The following SYTL1 variants were observed in gnomAD, a reference collection of about 807,000 sequenced individuals.
SYTL1 encodes synaptotagmin like 1, also known as synaptotagmin-like protein 1.
In SYTL1, 53 loss-of-function variants were observed where a neutral mutation model predicts 74.6. The observed-to-expected ratio is 0.71, with a 90% CI of 0.57 to 0.89. The LOEUF (loss-of-function observed/expected upper bound fraction) is 0.89. Among genes scored for constraint, SYTL1 ranks in the 40% least tolerant of loss-of-function variants. SYTL1 has a pLI of 0.00. For missense variants in SYTL1, 728 were observed against 768.7 expected, an observed-to-expected ratio of 0.95 and a Z score of 0.63; for synonymous variants, 329 against 324.9, an observed-to-expected ratio of 1.01 and a Z score of -0.14.
intron 6 of SYTL1, 34 bp downstream of exon 6, chr1:27,349,186 G>T: frequency 6.2e-7 from 1 of 1,602,878 alleles, no homozygotes; most frequent in Non-Finnish European, 8.5e-7. Flanking sequence ...AGCACGGAGA[G>T]GTTTCGCGGG....
rs867913421 is a variant in SYTL1, at chr1:27,353,665, A to C, written c.1550-48A>C. ...ACCAGGCAGGTGTTTGGGGGCCCCAAGGTGTCCAGTGTGATCATGCCCTCA... is the reference window on the plus strand; with the variant it reads ...ACCAGGCAGGTGTTTGGGGGCCCCACGGTGTCCAGTGTGATCATGCCCTCA... On this transcript the variant is annotated intron_variant, in intron 14 of 14. Transcript: ENST00000616558. 5.7e-6 allele frequency: 9 copies of C among 1,592,448 alleles called. No individual in the cohort carries two copies. The African/African-American group carries it at 9.4e-5, about 17-fold the overall frequency.
Position 27,350,114 on chromosome 1 carries a change from G to C in SYTL1, c.890G>C (p.Arg297Pro), listed in dbSNP as rs941761626. Reference sequence around the variant, plus strand: ...CAGTGCCAGGGCCTGGCCGCCGCCCGGCGCCGCCGCTCGGACCCGTGAGTG... The same window carrying C: ...CAGTGCCAGGGCCTGGCCGCCGCCCCGCGCCGCCGCTCGGACCCGTGAGTG... ...VIQCQGLAAA[R>P]RRRSDPYVKS... The change falls in exon 9 of 15, where the codon CGG becomes CCG. Residue 297 changes from arginine (R) to proline (P), a missense_variant. Physicochemically the swap from Arg to Pro is moderately radical, Grantham distance 103. Coordinates refer to ENST00000616558, the MANE Select transcript of SYTL1 (RefSeq NM_001193308.2). The surrounding 1 kb of genome is among the most constrained non-coding windows in gnomAD (Gnocchi z 6.3). 2.9e-6 allele frequency: 4 copies of C among 1,392,824 alleles called. No homozygotes were observed. The African/African-American group carries it at 6.1e-5, about 21-fold the overall frequency. 86.3% of individuals were successfully genotyped at this position (1,392,824 alleles called of 1,614,324 possible).
rs547689674 is a variant in SYTL1 at position 27,345,414 on chromosome 1, A to C, written c.80A>C (p.Glu27Ala). ...SLPMAHGPKP[E>A]TEGLLDLSFL... is the part of the protein sequence containing the mutation. ...CCCATGGCGCATGGGCCAAAGCCTG[A>C]GACTGAAGGACTGTTGGACCTCAGC... The change falls in exon 2 of 15, where the codon GAG becomes GCG. Residue 27 changes from glutamate to alanine, a missense_variant. Coordinates refer to ENST00000616558, the MANE Select transcript of SYTL1 (RefSeq NM_001193308.2). The surrounding 1 kb of genome is among the most constrained non-coding windows in gnomAD (Gnocchi z 6.0). 1.7e-5 allele frequency: 27 copies of C among 1,561,270 alleles called. No homozygotes were observed. In the East Asian group the frequency reaches 2.6e-4, roughly 15 times the overall value.
rs780774469 is a variant in SYTL1, at chr1:27,353,659, GC to G, written c.1550-50del. 1,658 of 1,588,158 alleles carry G rather than the reference GC, an allele frequency of 1.0e-3. 1 individual carries two copies. Among genetic ancestry groups the G allele is most frequent in the Middle Eastern group, 1.9e-3 (9 of 4,684 alleles). ...TCTGGGACCAGGCAGGTGTTTGGGG[GC>G]CCCAAGGTGTCCAGTGTGATCATGC... On this transcript the variant is annotated intron_variant, in intron 14 of 14. Coordinates refer to ENST00000616558, the MANE Select transcript of SYTL1 (RefSeq NM_001193308.2).
rs145962094 is a variant in SYTL1, at chr1:27,347,079, G to A, written c.192-342G>A. ...GAAGGTTGCAGTGAGCTGAGATTGCGCCACAGCACTCCAGCCTGGGCATAG... is the reference window on the plus strand; with the variant it reads ...GAAGGTTGCAGTGAGCTGAGATTGCACCACAGCACTCCAGCCTGGGCATAG... On this transcript the variant is annotated intron_variant, in intron 2 of 14. Coordinates refer to ENST00000616558, the MANE Select transcript of SYTL1 (RefSeq NM_001193308.2). This position sits in a 1 kb window ranked among gnomAD's most constrained non-coding sequence, Gnocchi z 4.9. 0.032 allele frequency among the ~76,000 whole-genome samples: 4,941 copies of A among 152,262 alleles called. 96 individuals are homozygous for A. Among genetic ancestry groups the A allele is most frequent in the Middle Eastern group, 0.048 (14 of 294 alleles).
chr1:27,349,196 G>A (rs1303949771), intron 6 of SYTL1, 44 bp downstream of exon 6: 2 of 1,594,974 alleles, frequency 1.3e-6, no homozygotes, highest in Admixed American at 1.7e-5. Flanking sequence ...GGTTTCGCGG[G>A]TCAGAGGCAG....
At chr1:27,344,648 G>A (rs1330060711) in intron 1 of SYTL1, among the ~76,000 whole-genome samples, 11 of 150,234 alleles carry the variant, frequency 7.3e-5, no homozygotes, top group East Asian at 4.0e-4. Flanking sequence ...TCAGGAGTTC[G>A]AGGCCAGCCT....
rs1157918288 is a variant in SYTL1 at position 27,348,078 on chromosome 1, G to A, written c.459+66G>A. 79 of 1,512,656 alleles carry A rather than the reference G, an allele frequency of 5.2e-5. No individual in the cohort carries two copies. Among genetic ancestry groups the A allele is most frequent in the East Asian group, 1.4e-4 (6 of 44,334 alleles). The allele number at this position is 1,512,656 out of a possible 1,614,324, so 93.7% of individuals were successfully genotyped here. On this transcript the variant is annotated intron_variant, in intron 5 of 14. Transcript: ENST00000616558. The surrounding 1 kb of genome is among the most constrained non-coding windows in gnomAD (Gnocchi z 4.1). ...GGGGAGGTGGAATGTGCAGGGGGCA[G>A]GGGGGAAAGAGCCCCAGCCTGGGAA... is the stretch of plus-strand genomic sequence containing the variant.
Position 27,342,404 on chromosome 1 carries a change from C to G in SYTL1, c.-39+254C>G, listed in dbSNP as rs371232375. ...TGCCTCTGGTTGGTAGGAGAGGGGACTTCAGGGAGGGGGCACTGCTGAGGA... is the reference window on the plus strand; with the variant it reads ...TGCCTCTGGTTGGTAGGAGAGGGGAGTTCAGGGAGGGGGCACTGCTGAGGA... On this transcript the variant is annotated intron_variant, in intron 1 of 14. Transcript: ENST00000616558. This position sits in a 1 kb window ranked among gnomAD's most constrained non-coding sequence, Gnocchi z 4.7. 8 of 913,042 alleles carry G rather than the reference C, an allele frequency of 8.8e-6. No homozygotes were observed. The East Asian group carries it at 4.7e-4, about 54-fold the overall frequency. 56.6% of individuals were successfully genotyped at this position (913,042 alleles called of 1,614,324 possible).
Position 27,353,799 on chromosome 1 carries a change from G to C in SYTL1, c.1636G>C (p.Glu546Gln). The change falls in exon 15 of 15, where the codon GAA becomes CAA. Residue 546 changes from glutamate to glutamine, a missense_variant. Physicochemically the swap from Glu to Gln is conservative, Grantham distance 29. Transcript: ENST00000616558. Reference protein sequence around the residue: ...LWQALLEQPCEWVDGLLPLRT... With the variant: ...LWQALLEQPCQWVDGLLPLRT... ...GCAAGCCCTCCTGGAGCAGCCGTGC[G>C]AATGGGTGGATGGCCTTCTACCCCT... is the stretch of plus-strand genomic sequence containing the variant. 1 of 1,614,048 alleles carries C rather than the reference G, an allele frequency of 6.2e-7. No individual in the cohort carries two copies. Among genetic ancestry groups the C allele is most frequent in the Non-Finnish European group, 8.5e-7 (1 of 1,179,938 alleles).
rs887620027 is a variant in SYTL1 at position 27,343,428 on chromosome 1, G to A, written c.-39+1278G>A. ...GGGCATCCCTGGGTTGGAGGCCTCC[G>A]TGGGAGTGGGTGCGGCAGTTACCTC... On this transcript the variant is annotated intron_variant, in intron 1 of 14. Transcript: ENST00000616558. The surrounding 1 kb of genome is among the most constrained non-coding windows in gnomAD (Gnocchi z 5.2). Among the ~76,000 whole-genome samples, 4 of 152,188 alleles carry A rather than the reference G, an allele frequency of 2.6e-5. No homozygotes were observed. Among genetic ancestry groups the A allele is most frequent in the Admixed American group, 1.3e-4 (2 of 15,280 alleles).
At chr1:27,344,721 G>C (rs1015628690) in intron 1 of SYTL1, among the ~76,000 whole-genome samples, 1 of 151,010 alleles carries the variant, frequency 6.6e-6, no homozygotes, top group Non-Finnish European at 1.5e-5. Flanking sequence ...GTGATGGTGC[G>C]TGCCTATAAT....
chr1:27,349,358 G>T (rs1215932634), intron 6 of SYTL1, 40 bp from the exon 7 acceptor site: 2 of 1,445,942 alleles, frequency 1.4e-6, no homozygotes, highest in South Asian at 3.0e-5. Flanking sequence ...TTAGGGGAGG[G>T]CAGGAGAGGG....
At position 27,353,145 on chromosome 1, in the gene SYTL1, G is replaced by A. The variant is rs1007701508; in HGVS notation, c.1344-138G>A. 9 of 828,976 alleles carry A rather than the reference G, an allele frequency of 1.1e-5. No homozygotes were observed. In the African/African-American group the frequency reaches 1.5e-4, roughly 14 times the overall value. 51.4% of individuals were successfully genotyped at this position (828,976 alleles called of 1,614,324 possible). Reference sequence around the variant, plus strand: ...AGGAGGCTGGTGCAAAGGTCCCAGGGCAGTGAGGGTCTAAGGCCAGGCAGG... The same window carrying A: ...AGGAGGCTGGTGCAAAGGTCCCAGGACAGTGAGGGTCTAAGGCCAGGCAGG... On this transcript the variant is annotated intron_variant, in intron 13 of 14. Coordinates refer to ENST00000616558, the MANE Select transcript of SYTL1 (RefSeq NM_001193308.2).
intron 6 of SYTL1, 106 bp downstream of exon 6, chr1:27,349,258 C>A (rs2015133078): frequency 2.0e-6 from 3 of 1,488,466 alleles, no homozygotes; most frequent in South Asian, 2.6e-5. Flanking sequence ...CCACTCCCAC[C>A]CCGCGTCGGA....
Position 27,350,197 on chromosome 1 carries a change from C to T in SYTL1, c.908+65C>T. The T allele has an allele frequency of 1.4e-6, 2 of 1,471,274 alleles. No individual in the cohort carries two copies. The highest frequency in any genetic ancestry group is 1.8e-6 in the Non-Finnish European group (2 of 1,099,354). 91.1% of individuals were successfully genotyped at this position (1,471,274 alleles called of 1,614,324 possible). A position where few individuals can be genotyped will look rare whatever the true frequency, so the allele number is the denominator to read the frequency against. On this transcript the variant is annotated intron_variant, in intron 9 of 14. Coordinates refer to ENST00000616558, the MANE Select transcript of SYTL1 (RefSeq NM_001193308.2). The surrounding 1 kb of genome is among the most constrained non-coding windows in gnomAD (Gnocchi z 6.3). ...GCCCAGCCCACCATTCACAGGGTCT[C>T]GGCCTCCTCGTCCTCATCTTCAAAA...
Position 27,349,719 on chromosome 1 carries a change from G to GC in SYTL1, c.702dup (p.Met235HisfsTer12), listed in dbSNP as rs752383673. ...CCGGGGCCCGACCCCTCTCTCGACC[G>GC]CATGCTCAGCAGCAGCTCCTCGGTG... On this transcript the variant is annotated frameshift_variant, in exon 8 of 15. Coordinates refer to ENST00000616558, the MANE Select transcript of SYTL1 (RefSeq NM_001193308.2). LOFTEE classifies it high-confidence loss of function. 1.5e-5 allele frequency: 24 copies of GC among 1,609,872 alleles called. No homozygotes were observed. The highest frequency in any genetic ancestry group is 2.0e-5 in the Non-Finnish European group (24 of 1,179,238).
At chr1:27,353,515 G>A (rs2015372899) in intron 14 of SYTL1, 27 bp downstream of exon 14, 1 of 1,579,602 alleles carries the variant, frequency 6.3e-7, no homozygotes, top group Non-Finnish European at 8.6e-7. Context: ...CCTGAGACAG[G>A]CCCTGGGACA....
chr1:27,349,566 C>A, intron 7 of SYTL1, 68 bp downstream of exon 7: 2 of 1,504,428 alleles, frequency 1.3e-6, no homozygotes, highest in Non-Finnish European at 1.8e-6. Context: ...GCGCTCCTGC[C>A]CAGGGCTGCG....
Sources: gnomAD v4.1 joint callset for allele counts (sites outside exome capture counted in the v4.1 genomes callset) on GRCh38, gnomAD v4.1.1 for gene constraint, Gnocchi (gnomAD v3.1) non-coding constraint, MANE v1.5 for transcripts, NCBI Gene and HGNC (gene_info 2026-07-23, HGNC 2026-07-21) for gene names.